LRP2: variants seen among roughly 807,000 people sequenced by gnomAD.
LRP2 encodes low-density lipoprotein receptor-related protein 2.
LRP2 carries 172 observed loss-of-function variants against 531.0 expected under a neutral mutation model. The ratio of observed to expected loss-of-function variants is 0.32; its 90% CI spans 0.29 to 0.37. The LOEUF (loss-of-function observed/expected upper bound fraction) is 0.37. LRP2 is among the 10% of genes least tolerant of loss of function. LRP2 has a pLI of 1.00. For synonymous variants in LRP2, 1,992 were observed against 2,027.6 expected (o/e 0.98, Z 0.47); for missense variants, 5,167 against 5,868.3 (o/e 0.88, Z 3.90).
intron 35 of LRP2, among the ~76,000 whole-genome samples, chr2:169,215,551 C>T (rs544050331): frequency 1.6e-4 from 24 of 151,788 alleles, no homozygotes; most frequent in East Asian, 5.8e-4. Context: ...TGTGTAGCTA[C>T]GAGGGGATGC....
chr2:169,338,263 AAGAAAGAAAG>A (rs1370295951), intron 1 of LRP2, among the ~76,000 whole-genome samples: 7 of 143,544 alleles, frequency 4.9e-5, no homozygotes, highest in African/African-American at 1.9e-4. Context: ...AAGAAAAACA[AAGAAAGAAAG>A]AGAAAGAAAG....
At position 169,271,075 on chromosome 2, in the gene LRP2, C is replaced by G; in HGVS notation, c.2149G>C (p.Val717Leu). Residue 717 changes from valine to leucine, a missense_variant, in exon 16 of 79, where the codon GTT (valine) becomes CTT (leucine). Physicochemically the swap from Val to Leu is conservative, Grantham distance 32 (BLOSUM62 1). Coordinates refer to ENST00000649046, the MANE Select transcript of LRP2 (RefSeq NM_004525.3). ...GTGAACGGGATCCCACGAATAGCAA[C>G]TTGGGATGAAAAAATGAGGAAATTC... ...VQNFLIFSSQ[V>L]AIRGIPFTLS... is the part of the protein sequence containing the mutation. 6.2e-7 allele frequency: 1 copy of G among 1,612,976 alleles called. No individual in the cohort carries two copies. The highest frequency in any genetic ancestry group is 8.5e-7 in the Non-Finnish European group (1 of 1,179,368).
chr2:169,163,578 A>G (rs1686664798), intron 62 of LRP2, among the ~76,000 whole-genome samples: 1 of 152,152 alleles, frequency 6.6e-6, no homozygotes, highest in Non-Finnish European at 1.5e-5. Context: ...AGATTTGAGA[A>G]CTATGTCTCC....
Position 169,290,903 on chromosome 2 carries a change from C to T in LRP2, c.864G>A (p.Gly288=). The change falls in exon 8 of 79, where the codon GGG becomes GGA. Residue 288 remains glycine, a synonymous_variant. Coordinates refer to ENST00000649046, the MANE Select transcript of LRP2 (RefSeq NM_004525.3). ...RCISIYKVCD[G]ILDCPGREDE... Reference sequence around the variant, plus strand: ...CTTCTCTTCCTGGGCAATCTAAAATCCCATCACAAACTTTATAAATGGAGA... The same window carrying T: ...CTTCTCTTCCTGGGCAATCTAAAATTCCATCACAAACTTTATAAATGGAGA... 1 of 1,614,130 alleles carries T rather than the reference C, an allele frequency of 6.2e-7. No individual in the cohort carries two copies. Among genetic ancestry groups the T allele is most frequent in the Non-Finnish European group, 8.5e-7 (1 of 1,180,000 alleles).
chr2:169,209,728 C>T (rs1192215769), intron 37 of LRP2, 87 bp from the exon 38 acceptor site: 7 of 1,261,872 alleles, frequency 5.5e-6, no homozygotes, highest in Non-Finnish European at 7.9e-6. Flanking sequence ...ACCCTCATTC[C>T]CAACCCCCTG....
chr2:169,230,127 T>G (rs1390224242), intron 31 of LRP2, among the ~76,000 whole-genome samples: 2 of 152,240 alleles, frequency 1.3e-5, no homozygotes, highest in Non-Finnish European at 2.9e-5. Context: ...AAATTAACAC[T>G]TATCAATCAT....
rs768218776 is a variant in LRP2, at chr2:169,157,331, A to G, written c.12019+40T>C. 3.1e-6 allele frequency: 5 copies of G among 1,606,844 alleles called. No homozygotes were observed. In the South Asian group the frequency reaches 5.5e-5, roughly 18 times the overall value. On this transcript the variant is annotated intron_variant, in intron 64 of 78. Coordinates refer to ENST00000649046, the MANE Select transcript of LRP2 (RefSeq NM_004525.3). ...GGAGTGGGTGGAGAACCTTAGATGT[A>G]AAGTTCACCTAAACAGGAATTGGAA...
At chr2:169,328,474 AGAAAT>A (rs1685182883) in intron 1 of LRP2, among the ~76,000 whole-genome samples, 1 of 149,780 alleles carries the variant, frequency 6.7e-6, no homozygotes, top group African/African-American at 2.4e-5. Context: ...AGAAAAAAAA[AGAAAT>A]AAATAAATAA....
chr2:169,205,838 A>G (rs1688365260), intron 40 of LRP2, among the ~76,000 whole-genome samples, 185 bp downstream of exon 40: 1 of 152,188 alleles, frequency 6.6e-6, no homozygotes, highest in Non-Finnish European at 1.5e-5. Context: ...CCTTTCTGCC[A>G]TCAAAGGGAG....
At chr2:169,134,971 T>G (rs1415893820) in intron 76 of LRP2, among the ~76,000 whole-genome samples, 1 of 152,134 alleles carries the variant, frequency 6.6e-6, no homozygotes, top group Non-Finnish European at 1.5e-5. Flanking sequence ...GTTTTTCTCC[T>G]TCACATTAGT....
intron 42 of LRP2, among the ~76,000 whole-genome samples, chr2:169,203,292 C>G (rs1401067238): frequency 6.6e-6 from 1 of 152,192 alleles, no homozygotes; most frequent in Admixed American, 6.5e-5. Context: ...CACATATGAT[C>G]CCACCCGCAA....
intron 1 of LRP2, among the ~76,000 whole-genome samples, chr2:169,327,239 T>C (rs1297605102): frequency 6.5e-5 from 4 of 61,654 alleles, no homozygotes; most frequent in Non-Finnish European, 1.2e-4. Context: ...GGTGGGGGGG[T>C]CAGCCCCACG....
chr2:169,307,625 C>T (rs1216271879), intron 3 of LRP2, among the ~76,000 whole-genome samples: 1 of 152,100 alleles, frequency 6.6e-6, no homozygotes, highest in African/African-American at 2.4e-5. Context: ...ATTACGTTAT[C>T]AACATGTGTA....
chr2:169,329,379 G>GA (rs980461627), intron 1 of LRP2, among the ~76,000 whole-genome samples: 1 of 151,818 alleles, frequency 6.6e-6, no homozygotes, highest in African/African-American at 2.4e-5. Flanking sequence ...CTGTCTCTAA[G>GA]AAAAAAAAGA....
At chr2:169,361,191 T>C (rs1409224437) in intron 1 of LRP2, among the ~76,000 whole-genome samples, 1 of 152,072 alleles carries the variant, frequency 6.6e-6, no homozygotes, top group Non-Finnish European at 1.5e-5. Context: ...GTCCCCTCTG[T>C]CTGTCTGGTG....
chr2:169,254,882 G>A (rs1444797872), intron 19 of LRP2, among the ~76,000 whole-genome samples: 1 of 151,872 alleles, frequency 6.6e-6, no homozygotes, highest in Non-Finnish European at 1.5e-5. Flanking sequence ...TAGTGAAAAG[G>A]GAGTAAATGG....
chr2:169,206,507 G>C lies in LRP2; in HGVS notation c.7213C>G (p.Pro2405Ala), dbSNP rs1266943261. 2 of 1,614,122 alleles carry C rather than the reference G, an allele frequency of 1.2e-6. No individual in the cohort carries two copies. The highest frequency in any genetic ancestry group is 1.7e-6 in the Non-Finnish European group (2 of 1,180,006). The change falls in exon 39 of 79, where the codon CCT becomes GCT. Residue 2405 changes from proline to alanine, a missense_variant. Pro to Ala is a conservative substitution (Grantham distance 27). Around this residue, in one of 6 missense-constraint regions of LRP2, gnomAD observed 2,811 missense variants for 3,058.0 expected, o/e 0.92. Coordinates refer to ENST00000649046, the MANE Select transcript of LRP2 (RefSeq NM_004525.3). ...TGGAAAGGTGGGCTATGGTTTTCAG[G>C]GTCCAAGTGTAAGCTTCTCAAGGAA... is the stretch of plus-strand genomic sequence containing the variant. ...SNSLRSLHLD[P>A]ENHSPPFQTI...
intron 36 of LRP2, 143 bp from the exon 37 acceptor site, chr2:169,212,350 A>T: frequency 1.0e-6 from 1 of 997,404 alleles, no homozygotes; most frequent in Non-Finnish European, 1.5e-6. Flanking sequence ...ATCTAAAAAC[A>T]ACATCGGAGA....
chr2:169,132,753 G>A (rs1685341065), intron 76 of LRP2, 72 bp from the exon 77 acceptor site: 1 of 819,354 alleles, frequency 1.2e-6, no homozygotes, highest in South Asian at 1.3e-5. Context: ...TGTAAAGTTT[G>A]TACCAACTCT....
Sources: allele counts gnomAD v4.1 joint callset (sites outside exome capture counted in the v4.1 genomes callset), GRCh38; gene constraint gnomAD v4.1.1; regional missense constraint gnomAD v4.1.1; transcripts MANE v1.5; gene names NCBI Gene and HGNC (gene_info 2026-07-23, HGNC 2026-07-21).